The following CDK5RAP1 variants were observed in gnomAD, a reference collection of about 807,000 sequenced individuals.
CDK5RAP1 encodes mitochondrial tRNA methylthiotransferase CDK5RAP1.
In CDK5RAP1, 62 loss-of-function variants were observed where a neutral mutation model predicts 64.5. The ratio of observed to expected loss-of-function variants is 0.96; its 90% CI spans 0.78 to 1.19. The LOEUF (loss-of-function observed/expected upper bound fraction) is 1.19, where lower values mean the gene tolerates loss of function less well. CDK5RAP1 is among the 50% of genes most tolerant of loss of function. The pLI is 0.00. For synonymous variants in CDK5RAP1, 250 were observed against 261.9 expected (o/e 0.95, Z 0.44); for missense variants, 657 against 735.0 (o/e 0.89, Z 1.23).
At chr20:33,360,083 C>T in intron 13 of CDK5RAP1, 1 of 414,628 alleles carries the variant, frequency 2.4e-6, no homozygotes, top group Non-Finnish European at 4.3e-6. Flanking sequence ...GGCCTCTCTG[C>T]AGCGAGAAAC....
chr20:33,389,420 C>A (rs1378997767), intron 5 of CDK5RAP1, among the ~76,000 whole-genome samples: 1 of 152,062 alleles, frequency 6.6e-6, no homozygotes, highest in Non-Finnish European at 1.5e-5. Context: ...AGGAGCCCCT[C>A]CGCCCGGCAG....
rs540975866 is a variant in CDK5RAP1, at chr20:33,389,088, G to A, written c.545-1555C>T. Among the ~76,000 whole-genome samples the A allele has an allele frequency of 1.0e-3, 150 of 149,902 alleles. 2 individuals are homozygous for A. The highest frequency in any genetic ancestry group is 7.4e-5 in the Non-Finnish European group (5 of 67,618). ...GAGCATCTCTGCCTGGCCGCCCATCGTCTGGGATGTGAGGAGCCCCTCTGC... is the reference window on the plus strand; with the variant it reads ...GAGCATCTCTGCCTGGCCGCCCATCATCTGGGATGTGAGGAGCCCCTCTGC... On this transcript the variant is annotated intron_variant, in intron 5 of 13. Transcript: ENST00000346416.
At chr20:33,396,621 A>T in intron 2 of CDK5RAP1, 140 bp downstream of exon 2, 1 of 709,574 alleles carries the variant, frequency 1.4e-6, no homozygotes, top group Non-Finnish European at 2.4e-6. Context: ...TATTAATATT[A>T]CTTGGTGGAG....
intron 7 of CDK5RAP1, among the ~76,000 whole-genome samples, chr20:33,380,863 G>A (rs375354086): frequency 4.5e-4 from 69 of 152,184 alleles, no homozygotes; most frequent in Middle Eastern, 6.8e-3. Flanking sequence ...TTAGCTGGGC[G>A]TGGTGGCAGG....
intron 5 of CDK5RAP1, among the ~76,000 whole-genome samples, chr20:33,390,663 T>C (rs529112981): frequency 6.6e-6 from 1 of 152,288 alleles, no homozygotes; most frequent in East Asian, 1.9e-4. Context: ...TCTTGGGATT[T>C]CTGAAATTCT....
Position 33,370,647 on chromosome 20 carries a change from G to A in CDK5RAP1, c.1262-18C>T, listed in dbSNP as rs1293636101. 10 of 1,613,994 alleles carry A rather than the reference G, an allele frequency of 6.2e-6. No homozygotes were observed. Among genetic ancestry groups the A allele is most frequent in the Middle Eastern group, 1.6e-4 (1 of 6,062 alleles). On this transcript the variant is annotated intron_variant, in intron 10 of 13. Transcript: ENST00000346416. ...GCTCACACCTGTGATACACAGCAAAGGATGACAGGTGACTGCCTGCTGTTT... is the reference window on the plus strand; with the variant it reads ...GCTCACACCTGTGATACACAGCAAAAGATGACAGGTGACTGCCTGCTGTTT...
intron 8 of CDK5RAP1, among the ~76,000 whole-genome samples, chr20:33,374,887 A>G (rs1336146791): frequency 6.6e-6 from 1 of 151,210 alleles, no homozygotes; most frequent in Non-Finnish European, 1.5e-5. Context: ...CCATCAGGTC[A>G]GGTGTCATGG....
chr20:33,369,314 T>C (rs1372840721), intron 11 of CDK5RAP1, among the ~76,000 whole-genome samples: 1 of 151,360 alleles, frequency 6.6e-6, no homozygotes, highest in African/African-American at 2.4e-5. Flanking sequence ...AAACCCCGTC[T>C]CTACTAAAAA....
In CDK5RAP1 at chr20:33,360,435, C is replaced by T. The variant is rs768311774; in HGVS notation, c.1599G>A (p.Val533=). 1.9e-5 allele frequency: 30 copies of T among 1,613,808 alleles called. No individual in the cohort carries two copies. The highest frequency in any genetic ancestry group is 2.4e-5 in the Non-Finnish European group (28 of 1,179,716). ...LCGRNDGNLK[V]IFPDAEMEDV... The stretch of plus-strand genomic sequence containing the variant: ...CCTCCATCTCTGCATCAGGGAAGAT[C>T]ACCTTAAGGTTTCCATCATTCCTGC... The change falls in exon 13 of 14, where the codon GTG becomes GTA. Residue 533 remains valine, a synonymous_variant. Coordinates refer to ENST00000346416, the MANE Select transcript of CDK5RAP1 (RefSeq NM_016408.4).
chr20:33,370,581 T>C lies in CDK5RAP1; in HGVS notation c.1310A>G (p.Glu437Gly). Residue 437 changes from glutamate (E) to glycine (G), a missense_variant, in exon 11 of 14, where the codon GAG (glutamate) becomes GGG (glycine). Coordinates refer to ENST00000346416, the MANE Select transcript of CDK5RAP1 (RefSeq NM_016408.4). Reference sequence around the variant, plus strand: ...AGAGACTGTCTGGACGTGATCTTCCTCCGTCTCACCACAAAAGCCAGCAAT... The same window carrying C: ...AGAGACTGTCTGGACGTGATCTTCCCCCGTCTCACCACAAAAGCCAGCAAT... ...DFIAGFCGET[E>G]EDHVQTVSLL... is the part of the protein sequence containing the mutation. 6.2e-7 allele frequency: 1 copy of C among 1,614,142 alleles called. No homozygotes were observed. Among genetic ancestry groups the C allele is most frequent in the Non-Finnish European group, 8.5e-7 (1 of 1,180,000 alleles).
chr20:33,396,053 G>A (rs540633990), intron 2 of CDK5RAP1, among the ~76,000 whole-genome samples: 1 of 152,158 alleles, frequency 6.6e-6, no homozygotes, highest in African/African-American at 2.4e-5. Context: ...AACTGATAGT[G>A]TTCATCAGCC....
chr20:33,370,511 G>A lies in CDK5RAP1; in HGVS notation c.1380C>T (p.Tyr460=), dbSNP rs1274758289. ...VQYNMGFLFA[Y]SMRQKTRAYH... is the part of the protein sequence containing the mutation. ...CCCCAGGGCTCACCTGTCTCATGCTGTAGGCAAAGAGGAAGCCCATGTTGT... is the reference window on the plus strand; with the variant it reads ...CCCCAGGGCTCACCTGTCTCATGCTATAGGCAAAGAGGAAGCCCATGTTGT... Residue 460 remains tyrosine (Y), a synonymous_variant, in exon 11 of 14, where the codon TAC becomes TAT. Coordinates refer to ENST00000346416, the MANE Select transcript of CDK5RAP1 (RefSeq NM_016408.4). The A allele has an allele frequency of 1.2e-6, 2 of 1,614,164 alleles. No individual in the cohort carries two copies. Among genetic ancestry groups the A allele is most frequent in the Non-Finnish European group, 1.7e-6 (2 of 1,180,030 alleles).
At chr20:33,384,959 T>C (rs1987231592) in intron 7 of CDK5RAP1, among the ~76,000 whole-genome samples, 1 of 152,172 alleles carries the variant, frequency 6.6e-6, no homozygotes, top group Admixed American at 6.5e-5. Flanking sequence ...TCTCCCATGA[T>C]TCCTGAGCCA....
intron 11 of CDK5RAP1, 103 bp downstream of exon 11, chr20:33,370,396 A>T (rs1984780304): frequency 2.4e-6 from 3 of 1,229,438 alleles, no homozygotes; most frequent in Non-Finnish European, 3.4e-6. Flanking sequence ...GTGGTTTCTC[A>T]AGGACTGCCT....
chr20:33,381,788 A>G (rs1264074057), intron 7 of CDK5RAP1, among the ~76,000 whole-genome samples: 1 of 152,062 alleles, frequency 6.6e-6, no homozygotes, highest in East Asian at 1.9e-4. Flanking sequence ...GGACCGTGCG[A>G]TGCATTTAGT....
At chr20:33,371,406 C>A (rs1192494053) in intron 10 of CDK5RAP1, among the ~76,000 whole-genome samples, 1 of 152,196 alleles carries the variant, frequency 6.6e-6, no homozygotes, top group Non-Finnish European at 1.5e-5. Flanking sequence ...TATCACACAG[C>A]CTGTAACAGT....
At chr20:33,363,880 C>CA (rs1339711898) in intron 12 of CDK5RAP1, among the ~76,000 whole-genome samples, 2 of 151,894 alleles carry the variant, frequency 1.3e-5, no homozygotes, top group African/African-American at 4.8e-5. Flanking sequence ...GCCAGGGAGA[C>CA]AGAACGAGAG....
rs190213401 is a variant in CDK5RAP1, at chr20:33,366,462, A to T, written c.1542+397T>A. Among the ~76,000 whole-genome samples the T allele has an allele frequency of 2.0e-3, 305 of 151,724 alleles. 3 individuals are homozygous for T. The highest frequency in any genetic ancestry group is 7.0e-3 in the African/African-American group (288 of 41,384). On this transcript the variant is annotated intron_variant, in intron 12 of 13. Transcript: ENST00000346416. ...CGTCTCTACTAAAAAAAATACAAAA[A>T]TTAGCCAGGCATGGTGACACACACC...
intron 8 of CDK5RAP1, among the ~76,000 whole-genome samples, chr20:33,377,343 A>T (rs895127145): frequency 1.3e-5 from 2 of 152,196 alleles, no homozygotes; most frequent in African/African-American, 4.8e-5. Flanking sequence ...TTCAGCATTG[A>T]TCTTAGCTAG....
Sources: allele counts gnomAD v4.1 joint callset (sites outside exome capture counted in the v4.1 genomes callset), GRCh38; gene constraint gnomAD v4.1.1; transcripts MANE v1.5; gene names NCBI Gene and HGNC (gene_info 2026-07-23, HGNC 2026-07-21).